Variants in TENM3 observed in about 807,000 individuals in gnomAD.
The protein encoded by TENM3 is teneurin transmembrane protein 3.
TENM3 carries 63 observed loss-of-function variants against 255.1 expected under a neutral mutation model. That is an observed-to-expected ratio of 0.25 (90% CI 0.20 to 0.30). The LOEUF is 0.30. Among genes scored for constraint, TENM3 ranks in the 10% least tolerant of loss-of-function variants. The pLI is 1.00. For synonymous variants in TENM3, 1,306 were observed against 1,322.3 expected (o/e 0.99, Z 0.27); for missense variants, 2,929 against 3,461.1 (o/e 0.85, Z 3.86).
chr4:181,765,185 T>C, the TENM3 span, among the ~76,000 whole-genome samples: 80 of 152,376 alleles, frequency 5.3e-4, 1 homozygote, highest in East Asian at 0.013. Flanking sequence ...TTTGTCCTGT[T>C]ACTTTGTTCT....
chr4:181,470,835 C>T, the TENM3 span, among the ~76,000 whole-genome samples: 7 of 152,118 alleles, frequency 4.6e-5, no homozygotes, highest in African/African-American at 9.6e-5. Flanking sequence ...AGAGGCAACA[C>T]GACACATTGT....
the TENM3 span, among the ~76,000 whole-genome samples, chr4:181,717,575 A>G: frequency 6.6e-6 from 1 of 152,234 alleles, no homozygotes; most frequent in Non-Finnish European, 1.5e-5. Flanking sequence ...GTATATGAAT[A>G]CGACACCAGT....
At chr4:181,812,296 A>G in the TENM3 span, among the ~76,000 whole-genome samples, 1 of 152,208 alleles carries the variant, frequency 6.6e-6, no homozygotes, top group Non-Finnish European at 1.5e-5. Context: ...ACCTTAGAGC[A>G]TTTGTTGAGA....
At chr4:181,869,245 T>C in the TENM3 span, among the ~76,000 whole-genome samples, 1 of 152,280 alleles carries the variant, frequency 6.6e-6, no homozygotes, top group South Asian at 2.1e-4. Flanking sequence ...TTGACTTTGC[T>C]CTTAAATTTT....
At chr4:182,644,022 C>T (rs1336950522) in intron 5 of TENM3, among the ~76,000 whole-genome samples, 1 of 152,166 alleles carries the variant, frequency 6.6e-6, no homozygotes, top group African/African-American at 2.4e-5. Flanking sequence ...TTTAGCCAAC[C>T]CTGGCAGGCC....
intron 1 of TENM3, among the ~76,000 whole-genome samples, chr4:182,174,502 T>TCACACACACACACA (rs71605053): frequency 0.032 from 4,396 of 137,524 alleles, 103 homozygotes; most frequent in Non-Finnish European, 0.047. Context: ...AGCTACTAAT[T>TCACACACACACACA]CACACACACA....
chr4:181,797,282 G>A, the TENM3 span, among the ~76,000 whole-genome samples: 19 of 151,612 alleles, frequency 1.3e-4, no homozygotes, highest in East Asian at 3.7e-3. Context: ...TTTCGGTATT[G>A]AACTGCAGGC....
At chr4:181,761,376 C>T in the TENM3 span, among the ~76,000 whole-genome samples, 1 of 152,086 alleles carries the variant, frequency 6.6e-6, no homozygotes, top group Non-Finnish European at 1.5e-5. Context: ...TGTGCAGCTA[C>T]TTAGGTCACT....
the TENM3 span, among the ~76,000 whole-genome samples, chr4:182,101,104 G>GAGGGAGGGAGGAAAGAAGGA: frequency 8.6e-5 from 1 of 11,682 alleles, no homozygotes; most frequent in Non-Finnish European, 1.9e-4. Flanking sequence ...GGGAGGGAGG[G>GAGGGAGGGAGGAAAGAAGGA]AGGAAGGAAA....
intron 13 of TENM3, among the ~76,000 whole-genome samples, chr4:182,719,871 G>A (rs991917089): frequency 2.0e-5 from 3 of 152,050 alleles, no homozygotes; most frequent in Non-Finnish European, 4.4e-5. Context: ...TATCAGCCTG[G>A]CCAGCGTAGC....
chr4:182,329,568 T>C (rs7653920), intron 2 of TENM3, among the ~76,000 whole-genome samples: 12,663 of 152,078 alleles, frequency 0.083, 558 homozygotes, highest in African/African-American at 0.11. Context: ...GGATAAGATG[T>C]AAAAGAAATA....
rs925318662 is a variant in TENM3 at position 182,151,743 on chromosome 4, G to C, written c.-76+6989G>C. On this transcript the variant is annotated intron_variant, in intron 1 of 2. Coordinates refer to the TENM3 transcript ENST00000512480. ...TTATTACATTTTTCTCTATTTATAA[G>C]CAAAAATGAAATGAATATTTAAAAC... 2.0e-5 allele frequency among the ~76,000 whole-genome samples: 3 copies of C among 151,764 alleles called. No individual in the cohort carries two copies. The East Asian group carries it at 5.8e-4, about 29-fold the overall frequency.
chr4:182,603,326 T>A (rs1748076562), intron 4 of TENM3, among the ~76,000 whole-genome samples: 1 of 152,158 alleles, frequency 6.6e-6, no homozygotes, highest in South Asian at 2.1e-4. Flanking sequence ...AGGGAGGAAA[T>A]CAACCGCTGA....
chr4:182,098,963 CTTTTTTTTTTTT>C, the TENM3 span, among the ~76,000 whole-genome samples: 2 of 131,230 alleles, frequency 1.5e-5, no homozygotes, highest in Admixed American at 8.2e-5. Context: ...CTCTTTTTTT[CTTTTTTTTTTTT>C]TTTTTGGACA....
chr4:182,280,829 G>A (rs1760332575), intron 1 of TENM3, among the ~76,000 whole-genome samples: 2 of 152,204 alleles, frequency 1.3e-5, no homozygotes, highest in African/African-American at 4.8e-5. Flanking sequence ...TAAGAGTGGA[G>A]AGGATCTCTT....
At chr4:182,728,449 C>A (rs1173928699) in intron 13 of TENM3, among the ~76,000 whole-genome samples, 1 of 152,186 alleles carries the variant, frequency 6.6e-6, no homozygotes, top group African/African-American at 2.4e-5. Context: ...TTATATGATT[C>A]TTTTCAGCCA....
the TENM3 span, among the ~76,000 whole-genome samples, chr4:181,737,006 C>T: frequency 2.0e-5 from 3 of 152,060 alleles, no homozygotes; most frequent in Admixed American, 2.0e-4. Context: ...GAGTCTCAGA[C>T]CACAAGAATC....
At chr4:181,599,436 A>G in the TENM3 span, among the ~76,000 whole-genome samples, 1 of 152,216 alleles carries the variant, frequency 6.6e-6, no homozygotes, top group Non-Finnish European at 1.5e-5. Flanking sequence ...AATAAATTAC[A>G]TGATCCAGTT....
chr4:181,704,740 G>C, the TENM3 span, among the ~76,000 whole-genome samples: 4 of 151,948 alleles, frequency 2.6e-5, no homozygotes, highest in Admixed American at 1.3e-4. Flanking sequence ...AGTGATAAAG[G>C]AGAGACCCCT....
Sources: allele counts gnomAD v4.1 joint callset (sites outside exome capture counted in the v4.1 genomes callset), GRCh38; gene constraint gnomAD v4.1.1; transcripts MANE v1.5; gene names NCBI Gene and HGNC (gene_info 2026-07-23, HGNC 2026-07-21).